UNC13B: variants seen among roughly 807,000 people sequenced by gnomAD.
UNC13B encodes protein unc-13 homolog B.
A neutral mutation model predicts 211.0 loss-of-function variants in UNC13B; 144 were observed. The ratio of observed to expected loss-of-function variants is 0.68; its 90% confidence interval spans 0.60 to 0.78. UNC13B has a LOEUF of 0.78. UNC13B is among the 30% of genes least tolerant of loss of function. The probability of loss-of-function intolerance (pLI) is 0.00; values close to 1 mark genes in which losing one functional copy is unlikely to be tolerated. For synonymous variants in UNC13B, 709 were observed against 725.8 expected, an observed-to-expected ratio of 0.98 and a Z score of 0.37; for missense variants, 1,777 against 2,002.0, an observed-to-expected ratio of 0.89 and a Z score of 2.14.
intron 37 of UNC13B, among the ~76,000 whole-genome samples, chr9:35,402,885 A>G (rs1282838068): frequency 6.6e-6 from 1 of 152,204 alleles, no homozygotes; most frequent in African/African-American, 2.4e-5. Context: ...CTTTCAGTTA[A>G]AAGTCCTTCA....
chr9:35,386,654 G>A (rs1049756938), intron 24 of UNC13B, among the ~76,000 whole-genome samples: 2 of 151,948 alleles, frequency 1.3e-5, no homozygotes, highest in Non-Finnish European at 2.9e-5. Context: ...TGTAAGTTCT[G>A]GGCTTCCTTC....
Position 35,399,389 on chromosome 9 carries a change from C to T in UNC13B, c.12199-3C>T. 1 of 1,613,946 alleles carries T rather than the reference C, an allele frequency of 6.2e-7. No homozygotes were observed. The highest frequency in any genetic ancestry group is 2.2e-5 in the East Asian group (1 of 44,886). On this transcript the variant is annotated splice_polypyrimidine_tract_variant and splice_region_variant and intron_variant, in intron 34 of 39. Transcript: ENST00000635942. ...GCTTTTGACTGATTCCCTCTCTGCC[C>T]AGGGCACCCAGCTGATCTTCACTGC...
intron 11 of UNC13B, among the ~76,000 whole-genome samples, chr9:35,364,799 T>A (rs1177666375): frequency 6.6e-6 from 1 of 152,210 alleles, no homozygotes; most frequent in Admixed American, 6.5e-5. Context: ...ACTGCGAGAA[T>A]GTGTGTGCAC....
chr9:35,260,513 T>A (rs1204083820), intron 7 of UNC13B, among the ~76,000 whole-genome samples: 1 of 152,208 alleles, frequency 6.6e-6, no homozygotes, highest in African/African-American at 2.4e-5. Context: ...TCCTTCATAT[T>A]GTTTCTGAAA....
intron 11 of UNC13B, chr9:35,364,693 C>A: frequency 8.8e-7 from 1 of 1,135,024 alleles, no homozygotes; most frequent in Non-Finnish European, 1.2e-6. Context: ...ATGATCTGTG[C>A]CTCTGAGCTT....
chr9:35,260,717 G>A (rs1827226080), intron 7 of UNC13B, among the ~76,000 whole-genome samples: 1 of 152,032 alleles, frequency 6.6e-6, no homozygotes, highest in South Asian at 2.1e-4. Context: ...GAACATTTAA[G>A]GTCATAGGAG....
intron 5 of UNC13B, 67 bp from the exon 6 acceptor site, chr9:35,243,224 T>C: frequency 6.7e-7 from 1 of 1,482,516 alleles, no homozygotes; most frequent in Non-Finnish European, 9.4e-7. Context: ...GAGTAAAGTG[T>C]TATCTGCTGA....
intron 1 of UNC13B, among the ~76,000 whole-genome samples, chr9:35,216,209 C>T (rs541970243): frequency 1.3e-5 from 2 of 152,148 alleles, no homozygotes; most frequent in Admixed American, 6.5e-5. Flanking sequence ...ATTCAGTAAG[C>T]ATTCATGATA....
chr9:35,391,871 G>A (rs1439879709), intron 26 of UNC13B, among the ~76,000 whole-genome samples: 1 of 152,224 alleles, frequency 6.6e-6, no homozygotes, highest in East Asian at 1.9e-4. Context: ...CAGGCCTCTT[G>A]CATGATGACA....
At chr9:35,358,023 C>T (rs550412055) in intron 11 of UNC13B, among the ~76,000 whole-genome samples, 1 of 152,338 alleles carries the variant, frequency 6.6e-6, no homozygotes, top group South Asian at 2.1e-4. Flanking sequence ...CTAAGTACCT[C>T]ATGTAAGTGG....
At chr9:35,208,735 C>G (rs1320192122) in intron 1 of UNC13B, among the ~76,000 whole-genome samples, 1 of 152,168 alleles carries the variant, frequency 6.6e-6, no homozygotes. Context: ...ATGAGAACTC[C>G]ACCCCCATGA....
chr9:35,348,133 TGA>T (rs2132047901), intron 11 of UNC13B, among the ~76,000 whole-genome samples: 1 of 152,272 alleles, frequency 6.6e-6, no homozygotes, highest in South Asian at 2.1e-4. Flanking sequence ...AGTATTGATC[TGA>T]GGGGCAGAAG....
chr9:35,303,487 C>T lies in UNC13B; in HGVS notation c.4083C>T (p.Asp1361=). The T allele has an allele frequency of 2.5e-6, 1 of 398,748 alleles. No homozygotes were observed. Among genetic ancestry groups the T allele is most frequent in the Non-Finnish European group, 4.4e-6 (1 of 225,840 alleles). 24.7% of individuals were successfully genotyped at this position (398,748 alleles called of 1,614,324 possible). The part of the protein sequence containing the change: ...NSPFCFEWDS[D]IKDLSKNSRK... ...CTTTCTGTTTTGAATGGGACTCTGACATAAAAGATTTGTCTAAAAATTCCA... is the reference window on the plus strand; with the variant it reads ...CTTTCTGTTTTGAATGGGACTCTGATATAAAAGATTTGTCTAAAAATTCCA... The change falls in exon 9 of 40, where the codon GAC becomes GAT. Residue 1361 remains aspartate (D), a synonymous_variant. Transcript: ENST00000635942.
chr9:35,356,915 T>C (rs1028081563), intron 11 of UNC13B, among the ~76,000 whole-genome samples: 1 of 152,252 alleles, frequency 6.6e-6, no homozygotes, highest in South Asian at 2.1e-4. Context: ...CTGTAGCATG[T>C]ATCAGTACTT....
At chr9:35,235,940 A>C (rs1191714243) in intron 3 of UNC13B, among the ~76,000 whole-genome samples, 4 of 152,096 alleles carry the variant, frequency 2.6e-5, no homozygotes, top group Non-Finnish European at 5.9e-5. Context: ...TTGTATCTCC[A>C]AAGCGGAAAG....
At chr9:35,223,131 C>A (rs1051670641) in intron 1 of UNC13B, among the ~76,000 whole-genome samples, 2 of 152,156 alleles carry the variant, frequency 1.3e-5, no homozygotes, top group Non-Finnish European at 2.9e-5. Flanking sequence ...CCTTGGCTAT[C>A]ATGAATAGTG....
At chr9:35,232,177 C>CTTTTTTGTTTTTTTTTTTTT (rs1825244677) in intron 3 of UNC13B, among the ~76,000 whole-genome samples, 1 of 31,536 alleles carries the variant, frequency 3.2e-5, no homozygotes, top group Non-Finnish European at 5.9e-5. Context: ...TATATTGCTG[C>CTTTTTTGTTTTTTTTTTTTT]TTTTTTTTTT....
chr9:35,364,491 GGACT>G, intron 11 of UNC13B: 1 of 1,532,662 alleles, frequency 6.5e-7, no homozygotes. Context: ...CCTACTTATA[GGACT>G]GACTCTACTA....
At chr9:35,336,939 T>C (rs944363462) in intron 11 of UNC13B, among the ~76,000 whole-genome samples, 60 of 152,178 alleles carry the variant, frequency 3.9e-4, no homozygotes, top group African/African-American at 1.4e-3. Flanking sequence ...GATGGCACTC[T>C]ACATAGGGCC....
Sources: gnomAD v4.1 joint callset for allele counts (sites outside exome capture counted in the v4.1 genomes callset) on GRCh38, gnomAD v4.1.1 for gene constraint, MANE v1.5 for transcripts, NCBI Gene and HGNC (gene_info 2026-07-23, HGNC 2026-07-21) for gene names.